Variants in FREM1 observed in about 807,000 individuals in gnomAD.
FREM1 encodes the protein FRAS1-related extracellular matrix protein 1.
A neutral mutation model predicts 210.1 loss-of-function variants in FREM1; 220 were observed. The observed-to-expected ratio is 1.05, with a 90% confidence interval of 0.94 to 1.17. The LOEUF (loss-of-function observed/expected upper bound fraction) is 1.17, where lower values mean the gene tolerates loss of function less well. Ranked by LOEUF, FREM1 falls within the 50% of genes most tolerant of loss-of-function variation. The probability of loss-of-function intolerance (pLI) is 0.00; values close to 1 mark genes in which losing one functional copy is unlikely to be tolerated. For missense variants in FREM1, 3,454 were observed against 2,675.5 expected, an observed-to-expected ratio of 1.29 and a Z score of -6.42; for synonymous variants, 1,189 against 980.2, an observed-to-expected ratio of 1.21 and a Z score of -3.98.
At chr9:14,857,037 G>C (rs553652635) in intron 5 of FREM1, among the ~76,000 whole-genome samples, 1 of 152,188 alleles carries the variant, frequency 6.6e-6, no homozygotes, top group South Asian at 2.1e-4. Context: ...ATTGGAAGAC[G>C]CAGGAGGTCT....
chr9:14,863,169 A>C (rs532024024), intron 3 of FREM1, among the ~76,000 whole-genome samples: 4 of 151,688 alleles, frequency 2.6e-5, no homozygotes, highest in African/African-American at 9.7e-5. Flanking sequence ...GTGAAACCCT[A>C]CCTCTACTAA....
At chr9:14,772,687 T>C (rs547773967) in intron 25 of FREM1, among the ~76,000 whole-genome samples, 1 of 152,286 alleles carries the variant, frequency 6.6e-6, no homozygotes, top group South Asian at 2.1e-4. Flanking sequence ...GTGGCAACTT[T>C]CAAAGCAATG....
intron 1 of FREM1, among the ~76,000 whole-genome samples, chr9:14,887,716 C>G (rs995270163): frequency 1.3e-5 from 2 of 152,166 alleles, no homozygotes; most frequent in Non-Finnish European, 2.9e-5. Context: ...TGTGCTTTCA[C>G]TTACTATACA....
intron 24 of FREM1, chr9:14,779,540 C>T (rs552261863): frequency 1.2e-3 from 1,130 of 974,240 alleles, no homozygotes; most frequent in Non-Finnish European, 1.3e-3. Context: ...GACTGAATTG[C>T]AAGAATGCCT....
At chr9:14,753,834 A>C (rs1004119816) in intron 29 of FREM1, among the ~76,000 whole-genome samples, 2 of 152,226 alleles carry the variant, frequency 1.3e-5, no homozygotes, top group African/African-American at 4.8e-5. Context: ...TGGGTTAATA[A>C]ATTCTAAAAC....
chr9:14,871,568 GAGT>G (rs1347249959), intron 1 of FREM1, among the ~76,000 whole-genome samples: 27 of 152,240 alleles, frequency 1.8e-4, no homozygotes, highest in Middle Eastern at 3.4e-3. Flanking sequence ...TTTGTCAAAT[GAGT>G]AGGTTGCGAA....
intron 24 of FREM1, chr9:14,779,597 GCGTGCA>G: frequency 2.8e-5 from 13 of 463,966 alleles, no homozygotes; most frequent in Non-Finnish European, 3.7e-5. Context: ...TCTACTCGAT[GCGTGCA>G]TGGCCTCTGT....
chr9:14,843,282 C>G (rs1826003051), intron 8 of FREM1, among the ~76,000 whole-genome samples: 1 of 152,156 alleles, frequency 6.6e-6, no homozygotes, highest in African/African-American at 2.4e-5. Context: ...TCCACCTTCC[C>G]TACCCCACTC....
At chr9:14,883,172 A>AT (rs1205893709) in intron 1 of FREM1, among the ~76,000 whole-genome samples, 2 of 152,104 alleles carry the variant, frequency 1.3e-5, no homozygotes, top group Non-Finnish European at 2.9e-5. Flanking sequence ...TTACATTCTA[A>AT]TTTTTTCTTT....
In FREM1 at chr9:14,740,288, G is replaced by A. The variant is rs1474132133; in HGVS notation, c.6255-54C>T. On this transcript the variant is annotated intron_variant, in intron 35 of 36. Coordinates refer to ENST00000380880, the MANE Select transcript of FREM1 (RefSeq NM_001379081.2). ...GCAACAAGCAGTTAACATTTCTGCT[G>A]ATACGAAATGCATAACAGAAATAAA... The A allele has an allele frequency of 4.1e-6, 5 of 1,231,110 alleles. No individual in the cohort carries two copies. In the Middle Eastern group the frequency reaches 5.7e-4, roughly 140 times the overall value. The allele number at this position is 1,231,110 out of a possible 1,614,324, so 76.3% of individuals were successfully genotyped here. A position where few individuals can be genotyped will look rare whatever the true frequency, so the allele number is the denominator to read the frequency against.
chr9:14,826,458 A>T (rs1822479446), intron 10 of FREM1, among the ~76,000 whole-genome samples: 1 of 152,174 alleles, frequency 6.6e-6, no homozygotes, highest in Non-Finnish European at 1.5e-5. Context: ...TGGACTGACC[A>T]TGTACTGGTC....
intron 27 of FREM1, among the ~76,000 whole-genome samples, chr9:14,763,890 T>G (rs1469058659): frequency 6.6e-6 from 1 of 152,212 alleles, no homozygotes; most frequent in Non-Finnish European, 1.5e-5. Context: ...ACATGGTGAG[T>G]GCTCATTAAA....
intron 1 of FREM1, among the ~76,000 whole-genome samples, chr9:14,905,747 C>T (rs917454619): frequency 2.0e-5 from 3 of 152,068 alleles, no homozygotes; most frequent in East Asian, 1.9e-4. Context: ...AAAAATTAGC[C>T]GGTCATGGCA....
At chr9:14,900,848 G>C (rs998247217) in intron 1 of FREM1, among the ~76,000 whole-genome samples, 12 of 152,190 alleles carry the variant, frequency 7.9e-5, no homozygotes, top group African/African-American at 2.7e-4. Flanking sequence ...CACAGGCTAT[G>C]GGATTCTTTG....
chr9:14,766,431 T>C (rs1442856281), intron 27 of FREM1, among the ~76,000 whole-genome samples: 1 of 152,156 alleles, frequency 6.6e-6, no homozygotes, highest in Non-Finnish European at 1.5e-5. Flanking sequence ...GTTTGCTGCG[T>C]AGGCTTCATT....
At chr9:14,809,267 A>C (rs1346248640) in intron 16 of FREM1, among the ~76,000 whole-genome samples, 1 of 152,216 alleles carries the variant, frequency 6.6e-6, no homozygotes, top group Non-Finnish European at 1.5e-5. Flanking sequence ...CTGTAAGTCC[A>C]TTAAACCTCT....
Position 14,779,227 on chromosome 9 carries a change from T to TGGC in FREM1, c.4443-3027_4443-3025dup, listed in dbSNP as rs142213048. On this transcript the variant is annotated intron_variant, in intron 24 of 36. Transcript: ENST00000380880. ...CATTCTACCCTGTTTCACATTAAACTGGCTCTCTGTTCCTTACCAGATCCC... is the reference window on the plus strand; with the variant it reads ...CATTCTACCCTGTTTCACATTAAACTGGCGGCTCTCTGTTCCTTACCAGATCCC... Among the ~76,000 whole-genome samples, 1,045 of 152,326 alleles carry TGGC rather than the reference T, an allele frequency of 6.9e-3. 14 individuals carry two copies. The highest frequency in any genetic ancestry group is 0.023 in the African/African-American group (970 of 41,572).
intron 17 of FREM1, among the ~76,000 whole-genome samples, 183 bp downstream of exon 17, chr9:14,807,757 C>A (rs1818657161): frequency 1.3e-5 from 2 of 152,076 alleles, no homozygotes; most frequent in South Asian, 4.1e-4. Context: ...CATGTAAATT[C>A]TTTTGCCCCA....
At chr9:14,749,214 T>C (rs908771594) in intron 30 of FREM1, among the ~76,000 whole-genome samples, 1 of 152,206 alleles carries the variant, frequency 6.6e-6, no homozygotes, top group Non-Finnish European at 1.5e-5. Context: ...GTCTGGGTAT[T>C]TTATATTTCA....
Sources: allele counts gnomAD v4.1 joint callset (sites outside exome capture counted in the v4.1 genomes callset), GRCh38; gene constraint gnomAD v4.1.1; transcripts MANE v1.5; gene names NCBI Gene and HGNC (gene_info 2026-07-23, HGNC 2026-07-21).